CDH18: variants seen among roughly 807,000 people sequenced by gnomAD.
The protein encoded by CDH18 is cadherin-18.
A neutral mutation model predicts 67.9 loss-of-function variants in CDH18; 31 were observed. The observed-to-expected ratio is 0.46, with a 90% CI of 0.34 to 0.62. The LOEUF is 0.62. CDH18 is among the 20% of genes least tolerant of loss of function. The pLI is 0.01. For missense variants in CDH18, 890 were observed against 975.5 expected (o/e 0.91, Z 1.17); for synonymous variants, 362 against 347.2 (o/e 1.04, Z -0.48).
intron 2 of CDH18, among the ~76,000 whole-genome samples, chr5:20,031,195 C>A (rs147840628): frequency 2.6e-5 from 4 of 151,958 alleles, no homozygotes; most frequent in African/African-American, 4.8e-5. Flanking sequence ...TTCTGCTTTA[C>A]GTTGGACTTA....
intron 2 of CDH18, among the ~76,000 whole-genome samples, chr5:20,121,568 A>ACAAC (rs1179521947): frequency 6.6e-6 from 1 of 152,216 alleles, no homozygotes; most frequent in Non-Finnish European, 1.5e-5. Context: ...GGTGCAAGAC[A>ACAAC]CAACCAGATG....
chr5:19,949,228 A>G (rs910486551), intron 2 of CDH18, among the ~76,000 whole-genome samples: 7 of 152,088 alleles, frequency 4.6e-5, no homozygotes, highest in Non-Finnish European at 1.0e-4. Flanking sequence ...TGGTACTTAG[A>G]TCTCAGTGGT....
In CDH18 at chr5:19,725,095, T is replaced by G. The variant is rs537621287; in HGVS notation, c.524-3629A>C. Among the ~76,000 whole-genome samples the G allele has an allele frequency of 4.1e-3, 626 of 152,088 alleles. 1 individual carries two copies. The highest frequency in any genetic ancestry group is 6.0e-3 in the South Asian group (29 of 4,818). ...GCGCCCGCCACCACGCCTGGCTAAATTTTTGTATTTTTAGTAGAGACAGGG... is the reference window on the plus strand; with the variant it reads ...GCGCCCGCCACCACGCCTGGCTAAAGTTTTGTATTTTTAGTAGAGACAGGG... On this transcript the variant is annotated intron_variant, in intron 4 of 12. Transcript: ENST00000382275.
intron 1 of CDH18, among the ~76,000 whole-genome samples, chr5:20,494,030 A>T (rs1303688539): frequency 1.3e-5 from 2 of 152,064 alleles, no homozygotes; most frequent in East Asian, 3.9e-4. Flanking sequence ...GATTAGTTTT[A>T]CTTGAGTTCA....
At chr5:19,871,630 T>C (rs1247351797) in intron 2 of CDH18, among the ~76,000 whole-genome samples, 1 of 152,176 alleles carries the variant, frequency 6.6e-6, no homozygotes, top group Non-Finnish European at 1.5e-5. Flanking sequence ...TAAAATGAGA[T>C]AAGGATAAGT....
chr5:20,098,077 T>A (rs1746143373), intron 2 of CDH18, among the ~76,000 whole-genome samples: 1 of 151,976 alleles, frequency 6.6e-6, no homozygotes. Flanking sequence ...ATTTTCAATT[T>A]TTCTTTGTAA....
At chr5:19,720,897 TG>T (rs1766010400) in intron 5 of CDH18, among the ~76,000 whole-genome samples, 1 of 152,146 alleles carries the variant, frequency 6.6e-6, no homozygotes, top group Admixed American at 6.6e-5. Context: ...TATATATATG[TG>T]TGTATGTATA....
intron 1 of CDH18, among the ~76,000 whole-genome samples, chr5:20,562,098 C>T (rs898614291): frequency 6.6e-6 from 1 of 151,676 alleles, no homozygotes; most frequent in Non-Finnish European, 1.5e-5. Flanking sequence ...TAGACATAGT[C>T]TCACAAAAAC....
chr5:19,832,721 G>T (rs1032190114), intron 3 of CDH18, among the ~76,000 whole-genome samples: 1 of 152,018 alleles, frequency 6.6e-6, no homozygotes, highest in Non-Finnish European at 1.5e-5. Flanking sequence ...GTAAGGAAGG[G>T]GTCCGGTTTC....
chr5:20,508,365 A>ATATATATG, intron 1 of CDH18, among the ~76,000 whole-genome samples: 1 of 122,672 alleles, frequency 8.2e-6, no homozygotes, highest in Non-Finnish European at 1.7e-5. Flanking sequence ...ATATATATAT[A>ATATATATG]TGTATATTTA....
intron 2 of CDH18, among the ~76,000 whole-genome samples, chr5:20,105,049 C>G (rs374106383): frequency 6.6e-6 from 1 of 151,912 alleles, no homozygotes; most frequent in East Asian, 1.9e-4. Context: ...AGTGCAATGA[C>G]ACGATCTTGG....
At chr5:20,148,856 C>T (rs998679385) in intron 2 of CDH18, among the ~76,000 whole-genome samples, 6 of 152,040 alleles carry the variant, frequency 3.9e-5, no homozygotes, top group African/African-American at 1.4e-4. Context: ...TCCATTTAGA[C>T]AGCAAGAAAG....
chr5:19,762,540 G>T (rs1772504064), intron 3 of CDH18, among the ~76,000 whole-genome samples: 1 of 151,770 alleles, frequency 6.6e-6, no homozygotes, highest in Admixed American at 6.6e-5. Context: ...AACCACACCA[G>T]TGGTTTTGAT....
intron 1 of CDH18, among the ~76,000 whole-genome samples, chr5:20,256,780 C>T (rs2126616892): frequency 6.6e-6 from 1 of 151,974 alleles, no homozygotes; most frequent in East Asian, 1.9e-4. Flanking sequence ...TCTGAAGTGT[C>T]TGGAAGGGGT....
chr5:20,244,514 G>T (rs1743225325), intron 2 of CDH18, among the ~76,000 whole-genome samples: 1 of 151,926 alleles, frequency 6.6e-6, no homozygotes, highest in Admixed American at 6.6e-5. Context: ...AAATATATTT[G>T]AACAAACCCT....
At chr5:20,431,284 A>T (rs1748714943) in intron 1 of CDH18, among the ~76,000 whole-genome samples, 1 of 152,032 alleles carries the variant, frequency 6.6e-6, no homozygotes, top group Admixed American at 6.6e-5. Context: ...TGAGGTCAGG[A>T]GTTTGAGACC....
intron 3 of CDH18, among the ~76,000 whole-genome samples, chr5:19,832,194 A>C (rs1392789782): frequency 6.6e-6 from 1 of 152,070 alleles, no homozygotes; most frequent in Non-Finnish European, 1.5e-5. Flanking sequence ...CACACCCCAA[A>C]CCTCAGCATC....
chr5:19,526,747 G>A (rs1005856639), intron 9 of CDH18, among the ~76,000 whole-genome samples: 26 of 151,844 alleles, frequency 1.7e-4, no homozygotes, highest in African/African-American at 3.6e-4. Context: ...ATTCATATTC[G>A]AAAATTAGTA....
chr5:20,452,329 C>T (rs1053065939), intron 1 of CDH18, among the ~76,000 whole-genome samples: 3 of 152,060 alleles, frequency 2.0e-5, no homozygotes, highest in African/African-American at 7.2e-5. Context: ...AGGATGCACT[C>T]ATTAGATGAG....
Sources: allele counts gnomAD v4.1 joint callset (sites outside exome capture counted in the v4.1 genomes callset), GRCh38; gene constraint gnomAD v4.1.1; transcripts MANE v1.5; gene names NCBI Gene and HGNC (gene_info 2026-07-23, HGNC 2026-07-21).